INSL6: variants seen among roughly 807,000 people sequenced by gnomAD.
The protein encoded by INSL6 is insulin like 6.
INSL6 carries 16 observed loss-of-function variants against 9.4 expected under a neutral mutation model. The ratio of observed to expected loss-of-function variants is 1.70; its 90% confidence interval spans 1.15 to 2.59. The LOEUF (loss-of-function observed/expected upper bound fraction) is 2.59. Among genes scored for constraint, INSL6 ranks in the 30% most tolerant of loss-of-function variants. The probability of loss-of-function intolerance (pLI) is 0.00; values close to 1 mark genes in which losing one functional copy is unlikely to be tolerated. For synonymous variants in INSL6, 154 were observed against 96.9 expected (o/e 1.59, Z -3.46); for missense variants, 391 against 257.3 (o/e 1.52, Z -3.56).
intron 1 of INSL6, among the ~76,000 whole-genome samples, chr9:5,173,347 A>G (rs1420380693): frequency 6.6e-6 from 1 of 152,214 alleles, no homozygotes; most frequent in Non-Finnish European, 1.5e-5. Context: ...TAGCAAAGAC[A>G]TGAATTCAAC....
In INSL6 at chr9:5,185,576, C is replaced by A. The variant is rs762520276; in HGVS notation, c.27G>T (p.Leu9=). Residue 9 remains leucine, a synonymous_variant, in exon 1 of 2, where the codon CTG becomes CTT. Transcript: ENST00000381641. The part of the protein sequence containing the change: MPRLLRLS[L]LWLGLLLVRF... ...GAACCAGCAGGAGTCCAAGCCACAGCAGGGACAAGCGGAGGAGCCGCGGCA... is the reference window on the plus strand; with the variant it reads ...GAACCAGCAGGAGTCCAAGCCACAGAAGGGACAAGCGGAGGAGCCGCGGCA... The A allele has an allele frequency of 1.9e-6, 3 of 1,613,666 alleles. No homozygotes were observed. In the South Asian group the frequency reaches 3.3e-5, roughly 18 times the overall value.
At chr9:5,054,474 A>G in the INSL6 span, 3 of 1,124,684 alleles carry the variant, frequency 2.7e-6, no homozygotes, top group East Asian at 7.1e-5. The surrounding 1 kb of genome is among the most constrained non-coding windows in gnomAD (Gnocchi z 4.9). Flanking sequence ...TAATCATGGA[A>G]AAAGGTGGTA....
chr9:5,181,531 T>G (rs927831480), intron 1 of INSL6, among the ~76,000 whole-genome samples: 6 of 151,292 alleles, frequency 4.0e-5, no homozygotes, highest in African/African-American at 1.5e-4. Context: ...AATTAAGGAC[T>G]TAATGTGAAA....
At chr9:5,106,654 T>G in the INSL6 span, among the ~76,000 whole-genome samples, 2 of 152,210 alleles carry the variant, frequency 1.3e-5, no homozygotes, top group African/African-American at 2.4e-5. Context: ...CCAACCCAAA[T>G]GCCCATCAAT....
the INSL6 span, among the ~76,000 whole-genome samples, chr9:5,015,825 T>C: frequency 4.6e-5 from 7 of 152,312 alleles, 1 homozygote; most frequent in Middle Eastern, 0.01. Context: ...TGAGTGTATG[T>C]TTAAGGCAGT....
chr9:5,092,645 C>T, the INSL6 span, among the ~76,000 whole-genome samples: 1 of 152,116 alleles, frequency 6.6e-6, no homozygotes, highest in Non-Finnish European at 1.5e-5. Context: ...ATACCTTCTG[C>T]ATAAAGTATT....
At chr9:5,040,676 T>G in the INSL6 span, among the ~76,000 whole-genome samples, 1 of 152,200 alleles carries the variant, frequency 6.6e-6, no homozygotes, top group Non-Finnish European at 1.5e-5. Flanking sequence ...TTTTTCCAAA[T>G]AAGATATACA....
the INSL6 span, among the ~76,000 whole-genome samples, chr9:5,020,603 A>G: frequency 2.6e-5 from 4 of 152,098 alleles, no homozygotes; most frequent in African/African-American, 7.2e-5. Context: ...GAGGCTGTAG[A>G]TGTGATGAAG....
the INSL6 span, among the ~76,000 whole-genome samples, chr9:5,031,783 C>G: frequency 6.6e-6 from 1 of 152,142 alleles, no homozygotes; most frequent in African/African-American, 2.4e-5. Flanking sequence ...AGGGTGGAGC[C>G]AAGATGACTG....
the INSL6 span, among the ~76,000 whole-genome samples, chr9:5,025,699 A>C: frequency 7.1e-4 from 108 of 151,844 alleles, no homozygotes; most frequent in Non-Finnish European, 8.1e-4. Flanking sequence ...CACCCAGCTA[A>C]TTTTTGTATT....
At chr9:5,126,745 A>C in intron 3 of INSL6, 1 of 1,611,166 alleles carries the variant, frequency 6.2e-7, no homozygotes, top group East Asian at 2.2e-5. Context: ...TCCTTTAGGG[A>C]TCTAGCTCTT....
the INSL6 span, among the ~76,000 whole-genome samples, chr9:5,043,744 C>T: frequency 1.3e-5 from 2 of 152,110 alleles, no homozygotes; most frequent in East Asian, 3.8e-4. Flanking sequence ...TATATTCATA[C>T]AATGAAATAT....
Position 5,139,759 on chromosome 9 carries a change from G to A in INSL6, c.377-6167C>T, listed in dbSNP as rs113566992. ...AGGAACACAGCCAGGCTAGAGCCCAGCTCTTCTGATTCTGATTAGTGCTCA... is the reference window on the plus strand; with the variant it reads ...AGGAACACAGCCAGGCTAGAGCCCAACTCTTCTGATTCTGATTAGTGCTCA... On this transcript the variant is annotated intron_variant, in intron 2 of 3. Transcript: ENST00000649639. Among the ~76,000 whole-genome samples the A allele has an allele frequency of 4.3e-3, 660 of 152,214 alleles. 2 individuals are homozygous for A. Among genetic ancestry groups the A allele is most frequent in the African/African-American group, 0.015 (634 of 41,528 alleles).
the INSL6 span, among the ~76,000 whole-genome samples, chr9:5,102,530 A>G: frequency 6.6e-6 from 1 of 152,206 alleles, no homozygotes; most frequent in African/African-American, 2.4e-5. Context: ...CAAATTCAGG[A>G]AATACAGAGA....
chr9:5,124,526 A>G (rs940592697), intron 3 of INSL6, among the ~76,000 whole-genome samples: 7 of 151,746 alleles, frequency 4.6e-5, no homozygotes, highest in African/African-American at 1.7e-4. Context: ...CAAAATACCA[A>G]TGTCATTTGT....
the INSL6 span, among the ~76,000 whole-genome samples, chr9:5,032,060 C>G: frequency 6.6e-6 from 1 of 152,248 alleles, no homozygotes; most frequent in Non-Finnish European, 1.5e-5. Flanking sequence ...CACTCCCACT[C>G]TAATACTGCG....
At chr9:5,062,163 T>C in the INSL6 span, among the ~76,000 whole-genome samples, 1 of 152,196 alleles carries the variant, frequency 6.6e-6, no homozygotes, top group East Asian at 1.9e-4. Flanking sequence ...ATGGAAAATA[T>C]AGTATTCACA....
chr9:5,156,609 A>G (rs1824818470), intron 2 of INSL6, among the ~76,000 whole-genome samples: 1 of 152,244 alleles, frequency 6.6e-6, no homozygotes, highest in African/African-American at 2.4e-5. Context: ...TGTATCTACA[A>G]AAATCCTAAA....
intron 2 of INSL6, among the ~76,000 whole-genome samples, chr9:5,139,783 C>A (rs753941926): frequency 5.9e-5 from 9 of 152,160 alleles, no homozygotes; most frequent in Non-Finnish European, 1.0e-4. Context: ...GATTAGTGCT[C>A]ATTATACAAC....
Sources: allele counts gnomAD v4.1 joint callset (sites outside exome capture counted in the v4.1 genomes callset), GRCh38; gene constraint gnomAD v4.1.1; non-coding constraint Gnocchi (gnomAD v3.1); transcripts MANE v1.5; gene names NCBI Gene and HGNC (gene_info 2026-07-23, HGNC 2026-07-21).